The following ARHGAP32 variants were observed in gnomAD, a reference collection of about 807,000 sequenced individuals.
ARHGAP32 encodes rho GTPase-activating protein 32.
In ARHGAP32, 51 loss-of-function variants were observed where a neutral mutation model predicts 186.5. That is an observed-to-expected ratio of 0.27 (90% CI 0.22 to 0.35). ARHGAP32 has a LOEUF of 0.35. ARHGAP32 is among the 10% of genes least tolerant of loss of function. The pLI is 1.00. For missense variants in ARHGAP32, 2,186 were observed against 2,623.5 expected (o/e 0.83, Z 3.64); for synonymous variants, 950 against 964.3 (o/e 0.99, Z 0.27).
chr11:129,079,443 T>G (rs999367456), intron 6 of ARHGAP32, among the ~76,000 whole-genome samples: 1 of 152,184 alleles, frequency 6.6e-6, no homozygotes, highest in Non-Finnish European at 1.5e-5. Flanking sequence ...AAGCCTCTCT[T>G]TAGCCTCCTG....
intron 1 of ARHGAP32, among the ~76,000 whole-genome samples, chr11:129,200,271 A>G (rs147611001): frequency 2.9e-4 from 44 of 152,278 alleles, no homozygotes; most frequent in African/African-American, 8.2e-4. Flanking sequence ...TAAGGATACA[A>G]GATGTGGGAG....
chr11:129,026,250 A>G (rs1204431101), intron 11 of ARHGAP32, among the ~76,000 whole-genome samples: 2 of 152,178 alleles, frequency 1.3e-5, no homozygotes, highest in African/African-American at 4.8e-5. Flanking sequence ...ATCTCTCTGT[A>G]CTATTTTTGC....
intron 12 of ARHGAP32, among the ~76,000 whole-genome samples, chr11:128,992,852 A>C (rs1362963150): frequency 6.6e-6 from 1 of 152,208 alleles, no homozygotes; most frequent in African/African-American, 2.4e-5. Flanking sequence ...TGCTCAAAAA[A>C]AGTACTATGT....
intron 11 of ARHGAP32, among the ~76,000 whole-genome samples, chr11:129,038,888 GAAAAAA>G (rs56810685): frequency 2.2e-5 from 2 of 92,188 alleles, no homozygotes; most frequent in Non-Finnish European, 4.1e-5. Context: ...ACCCTGTCTC[GAAAAAA>G]AAAAAAAAAA....
At chr11:128,986,752 A>G (rs1945883916) in intron 13 of ARHGAP32, 84 bp from the exon 14 acceptor site, 5 of 1,375,006 alleles carry the variant, frequency 3.6e-6, no homozygotes, top group Admixed American at 1.9e-5. Flanking sequence ...ATAAGCTCCA[A>G]AAGTGTTCAG....
At chr11:129,172,086 T>C (rs1396810507) in intron 1 of ARHGAP32, among the ~76,000 whole-genome samples, 2 of 152,160 alleles carry the variant, frequency 1.3e-5, no homozygotes, top group Non-Finnish European at 2.9e-5. Context: ...GACTGGGTTT[T>C]CTAAATATAA....
At chr11:129,155,993 G>T (rs1336314286) in intron 2 of ARHGAP32, among the ~76,000 whole-genome samples, 1 of 152,188 alleles carries the variant, frequency 6.6e-6, no homozygotes, top group Non-Finnish European at 1.5e-5. Flanking sequence ...CCCTCTCCTA[G>T]CCAAGGGAAG....
At chr11:129,236,163 T>G (rs1044869510) in intron 1 of ARHGAP32, among the ~76,000 whole-genome samples, 1 of 152,220 alleles carries the variant, frequency 6.6e-6, no homozygotes, top group African/African-American at 2.4e-5. Flanking sequence ...TCCATAGTGG[T>G]TGCGCTAGTT....
chr11:129,057,758 T>C (rs1371377328), intron 10 of ARHGAP32, among the ~76,000 whole-genome samples: 1 of 151,548 alleles, frequency 6.6e-6, no homozygotes, highest in Non-Finnish European at 1.5e-5. Context: ...CAAACACACG[T>C]TGTTCATGGA....
At chr11:129,033,624 T>C (rs1284272312) in intron 11 of ARHGAP32, among the ~76,000 whole-genome samples, 2 of 152,200 alleles carry the variant, frequency 1.3e-5, no homozygotes, top group Non-Finnish European at 2.9e-5. Context: ...TTATTAAGCT[T>C]TTCAGTTATA....
chr11:129,041,415 T>C, intron 10 of ARHGAP32, among the ~76,000 whole-genome samples: 1 of 151,846 alleles, frequency 6.6e-6, no homozygotes, highest in Admixed American at 6.6e-5. Flanking sequence ...TTGACTTCTC[T>C]ATGGGTTTTT....
intron 2 of ARHGAP32, among the ~76,000 whole-genome samples, chr11:129,164,047 C>T (rs1943583623): frequency 2.0e-5 from 3 of 152,048 alleles, no homozygotes; most frequent in Non-Finnish European, 2.9e-5. Context: ...TTTGATCAAA[C>T]CTCATCTTCC....
chr11:129,230,891 T>C (rs997577881), intron 1 of ARHGAP32, among the ~76,000 whole-genome samples: 7 of 152,154 alleles, frequency 4.6e-5, no homozygotes, highest in Non-Finnish European at 8.8e-5. Context: ...TCTCATCACT[T>C]TGGGAGGCCA....
rs187758160 is a variant in ARHGAP32 at position 129,026,561 on chromosome 11, C to T, written c.1045+14367G>A. On this transcript the variant is annotated intron_variant, in intron 11 of 22. Coordinates refer to ENST00000682385, the MANE Select transcript of ARHGAP32 (RefSeq NM_001378024.1). ...TTGTAATCCCAGCACTTTGGGAGGCCGAGGCAGGAGGATCACAAGGTCAGG... is the reference window on the plus strand; with the variant it reads ...TTGTAATCCCAGCACTTTGGGAGGCTGAGGCAGGAGGATCACAAGGTCAGG... Among the ~76,000 whole-genome samples, 282 of 150,850 alleles carry T rather than the reference C, an allele frequency of 1.9e-3. 3 individuals are homozygous for T. The highest frequency in any genetic ancestry group is 6.5e-3 in the African/African-American group (265 of 41,060).
At chr11:129,045,580 CT>C (rs1939774364) in intron 10 of ARHGAP32, among the ~76,000 whole-genome samples, 1 of 152,194 alleles carries the variant, frequency 6.6e-6, no homozygotes, top group Non-Finnish European at 1.5e-5. Flanking sequence ...AACACTTATA[CT>C]TTTCTAATGA....
At chr11:129,221,535 T>TGTGTGTGTG (rs1565472462) in intron 1 of ARHGAP32, among the ~76,000 whole-genome samples, 3 of 68,256 alleles carry the variant, frequency 4.4e-5, no homozygotes, top group African/African-American at 1.0e-4. Flanking sequence ...GTGTGTGTGT[T>TGTGTGTGTG]TATGGTAAAA....
intron 10 of ARHGAP32, among the ~76,000 whole-genome samples, chr11:129,059,346 C>T (rs1012108414): frequency 3.3e-5 from 5 of 152,140 alleles, no homozygotes; most frequent in Non-Finnish European, 5.9e-5. Context: ...AAGTACTGAG[C>T]TATACTTTGC....
intron 2 of ARHGAP32, among the ~76,000 whole-genome samples, chr11:129,143,151 T>C (rs1237113766): frequency 2.7e-5 from 4 of 150,232 alleles, no homozygotes; most frequent in Non-Finnish European, 5.9e-5. Context: ...CAAACAGGAC[T>C]GCCAGTTTCC....
intron 12 of ARHGAP32, among the ~76,000 whole-genome samples, chr11:128,998,002 G>T (rs1946248590): frequency 6.6e-6 from 1 of 152,186 alleles, no homozygotes; most frequent in African/African-American, 2.4e-5. Context: ...GATAAAATGT[G>T]GGTGGCAAAA....
Sources: allele counts gnomAD v4.1 joint callset (sites outside exome capture counted in the v4.1 genomes callset), GRCh38; gene constraint gnomAD v4.1.1; transcripts MANE v1.5; gene names NCBI Gene and HGNC (gene_info 2026-07-23, HGNC 2026-07-21).